Variants in AMPH observed in about 807,000 individuals in gnomAD.
AMPH encodes amphiphysin.
AMPH carries 49 observed loss-of-function variants against 99.1 expected under a neutral mutation model. The ratio of observed to expected loss-of-function variants is 0.49; its 90% CI spans 0.39 to 0.63. AMPH has a LOEUF of 0.63. AMPH is among the 20% of genes least tolerant of loss of function. The pLI is 0.00. For synonymous variants in AMPH, 314 were observed against 317.3 expected (o/e 0.99, Z 0.11); for missense variants, 759 against 863.4 (o/e 0.88, Z 1.52).
rs932867620 is a variant in AMPH, at chr7:38,389,777, A to C, written c.1980+27T>G. The C allele has an allele frequency of 1.9e-6, 3 of 1,564,474 alleles. No homozygotes were observed. In the African/African-American group the frequency reaches 4.1e-5, roughly 21 times the overall value. ...CCTCAGAAAAAAATCAACGTAGCCC[A>C]AAGCATCTTCCTATCTTTTCTTTTA... On this transcript the variant is annotated intron_variant, in intron 20 of 20. Transcript: ENST00000356264.
rs149890902 is a variant in AMPH at position 38,530,707 on chromosome 7, C to CT, written c.150+4223dup. On this transcript the variant is annotated intron_variant, in intron 2 of 20. Coordinates refer to ENST00000356264, the MANE Select transcript of AMPH (RefSeq NM_001635.4). The stretch of plus-strand genomic sequence containing the variant: ...AAGGACCTTCTTTCCACAGTGGGAC[C>CT]TTTTTTTCTGCTCATTAACAGATCT... Among the ~76,000 whole-genome samples the CT allele has an allele frequency of 3.5e-3, 526 of 152,244 alleles. 4 individuals are homozygous for CT. The highest frequency in any genetic ancestry group is 0.012 in the African/African-American group (505 of 41,550).
intron 3 of AMPH, among the ~76,000 whole-genome samples, chr7:38,500,132 A>T (rs933013470): frequency 6.6e-6 from 1 of 152,174 alleles, no homozygotes; most frequent in Non-Finnish European, 1.5e-5. Context: ...GTTCCCAGGA[A>T]CAATATTCAT....
At chr7:38,601,832 A>G (rs1173520379) in intron 1 of AMPH, among the ~76,000 whole-genome samples, 2 of 152,172 alleles carry the variant, frequency 1.3e-5, no homozygotes, top group Non-Finnish European at 2.9e-5. Flanking sequence ...GAAAGCAAAC[A>G]TAATTTATAT....
intron 12 of AMPH, among the ~76,000 whole-genome samples, chr7:38,435,947 T>C (rs1347919266): frequency 6.6e-6 from 1 of 152,140 alleles, no homozygotes; most frequent in Non-Finnish European, 1.5e-5. Flanking sequence ...AGAAAGAGCT[T>C]CATCCAGGGA....
intron 1 of AMPH, among the ~76,000 whole-genome samples, chr7:38,592,148 T>G (rs916394343): frequency 4.6e-5 from 7 of 152,238 alleles, no homozygotes; most frequent in Admixed American, 6.5e-5. Context: ...AAACATGTCC[T>G]TAAGGCACAG....
chr7:38,535,441 G>C (rs1790562600), intron 1 of AMPH, among the ~76,000 whole-genome samples: 1 of 152,096 alleles, frequency 6.6e-6, no homozygotes, highest in South Asian at 2.1e-4. Context: ...CCACTTCAGT[G>C]GTCCCCAAAC....
chr7:38,559,890 C>T (rs1791496315), intron 1 of AMPH, among the ~76,000 whole-genome samples: 1 of 152,168 alleles, frequency 6.6e-6, no homozygotes, highest in Admixed American at 6.5e-5. Context: ...CCTATGGCGC[C>T]TGTATACATG....
chr7:38,453,318 T>G (rs1787104632), intron 11 of AMPH, among the ~76,000 whole-genome samples: 1 of 152,104 alleles, frequency 6.6e-6, no homozygotes, highest in African/African-American at 2.4e-5. Context: ...CACTGAAAGC[T>G]CCCACATTCC....
chr7:38,612,752 C>T (rs1793730998), intron 1 of AMPH, among the ~76,000 whole-genome samples: 1 of 152,154 alleles, frequency 6.6e-6, no homozygotes, highest in Non-Finnish European at 1.5e-5. Flanking sequence ...TGGGACACCT[C>T]TTTAGAACAC....
intron 11 of AMPH, among the ~76,000 whole-genome samples, chr7:38,446,501 C>A (rs911176893): frequency 6.6e-6 from 1 of 152,118 alleles, no homozygotes; most frequent in South Asian, 2.1e-4. Context: ...TAATGAATTT[C>A]GTAATCCAAA....
chr7:38,389,027 T>C (rs1044756964), intron 20 of AMPH, among the ~76,000 whole-genome samples: 3 of 152,324 alleles, frequency 2.0e-5, no homozygotes, highest in African/African-American at 2.4e-5. Flanking sequence ...GGTAAGTGTG[T>C]TGTCAAAAGA....
chr7:38,626,195 T>C (rs2129072606), intron 1 of AMPH, among the ~76,000 whole-genome samples: 1 of 152,318 alleles, frequency 6.6e-6, no homozygotes, highest in Middle Eastern at 3.4e-3. Context: ...GGGATACATG[T>C]GCAGAATATG....
At chr7:38,485,608 G>A (rs568641965) in intron 5 of AMPH, among the ~76,000 whole-genome samples, 1 of 151,916 alleles carries the variant, frequency 6.6e-6, no homozygotes, top group East Asian at 1.9e-4. Flanking sequence ...GTAGACCTGA[G>A]CAACTATCAA....
intron 2 of AMPH, among the ~76,000 whole-genome samples, chr7:38,530,137 G>A (rs2129038364): frequency 6.6e-6 from 1 of 152,298 alleles, no homozygotes; most frequent in Admixed American, 6.5e-5. Flanking sequence ...TTCAAGTTTA[G>A]CAAGCATTTG....
At chr7:38,506,393 C>T (rs537594262) in intron 2 of AMPH, among the ~76,000 whole-genome samples, 232 of 152,210 alleles carry the variant, frequency 1.5e-3, no homozygotes, top group African/African-American at 4.9e-3. Flanking sequence ...ACAAACTGAA[C>T]GGTTCACAAA....
chr7:38,503,682 C>G lies in AMPH; in HGVS notation c.173G>C (p.Arg58Pro). Residue 58 changes from arginine (R) to proline (P), a missense_variant, in exon 3 of 21, where the codon CGA (arginine) becomes CCA (proline). Around this residue, in one of 2 missense-constraint regions of AMPH, gnomAD observed 205 missense variants for 287.9 expected, o/e 0.71. Transcript: ENST00000356264. Reference protein sequence around the residue: ...RQEAEGTRLQRELRGYLAAIK... With the variant: ...RQEAEGTRLQPELRGYLAAIK... The stretch of plus-strand genomic sequence containing the variant: ...TGCTGCTAAATATCCTCGGAGTTCT[C>G]GCTGAAGTCTGGTACCCTCTGCCTA... 6.2e-7 allele frequency: 1 copy of G among 1,613,992 alleles called. No individual in the cohort carries two copies.
Position 38,406,725 on chromosome 7 carries a change from C to CT in AMPH, c.1398+11099_1398+11100insA, listed in dbSNP as rs1293617761. ...TTCTCTCTCCTCTCCTCTCTCTCTC[C>CT]CTTTCCCTCTCTCTCTCTCTCTCTC... is the stretch of plus-strand genomic sequence containing the variant. On this transcript the variant is annotated intron_variant, in intron 17 of 20. Transcript: ENST00000356264. 3.6e-3 allele frequency among the ~76,000 whole-genome samples: 211 copies of CT among 58,788 alleles called. 3 individuals are homozygous for CT. The highest frequency in any genetic ancestry group is 0.02 in the East Asian group (42 of 2,136). The allele number at this position is 58,788 out of a possible 152,430, so 38.6% of individuals were successfully genotyped here.
At chr7:38,610,362 A>AGAAAGGAAAG (rs1793627096) in intron 1 of AMPH, among the ~76,000 whole-genome samples, 1 of 51,020 alleles carries the variant, frequency 2.0e-5, no homozygotes, top group African/African-American at 9.7e-5. Flanking sequence ...AGAAAAGAAA[A>AGAAAGGAAAG]GAAAAGAAAA....
At chr7:38,488,134 G>C (rs1788579705) in intron 5 of AMPH, among the ~76,000 whole-genome samples, 1 of 152,170 alleles carries the variant, frequency 6.6e-6, no homozygotes, top group Non-Finnish European at 1.5e-5. Context: ...CAAGGATCTA[G>C]AACCAGAAAT....
Sources: gnomAD v4.1 joint callset for allele counts (sites outside exome capture counted in the v4.1 genomes callset) on GRCh38, gnomAD v4.1.1 for gene constraint, gnomAD v4.1.1 regional missense constraint, MANE v1.5 for transcripts, NCBI Gene and HGNC (gene_info 2026-07-23, HGNC 2026-07-21) for gene names.